The following TMEM165 variants were observed in gnomAD, a reference collection of about 807,000 sequenced individuals.
The protein encoded by TMEM165 is transmembrane protein 165.
Under a neutral mutation model 30.0 loss-of-function variants are expected in TMEM165, and 19 were observed. That is an observed-to-expected ratio of 0.63 (90% CI 0.44 to 0.93). The LOEUF is 0.93. Ranked by LOEUF, TMEM165 falls within the 40% of genes least tolerant of loss-of-function variation. The probability of loss-of-function intolerance (pLI) is 0.00; values close to 1 mark genes in which losing one functional copy is unlikely to be tolerated. For missense variants in TMEM165, 340 were observed against 417.0 expected (o/e 0.82, Z 1.61); for synonymous variants, 168 against 162.9 (o/e 1.03, Z -0.24).
At chr4:55,440,848 C>A (rs1028693256) in intron 3 of TMEM165, among the ~76,000 whole-genome samples, 3 of 152,154 alleles carry the variant, frequency 2.0e-5, no homozygotes, top group Non-Finnish European at 4.4e-5. Context: ...CCATGCCACA[C>A]CCACATCCAA....
chr4:55,414,319 C>T (rs1453430888), intron 2 of TMEM165, among the ~76,000 whole-genome samples: 1 of 150,954 alleles, frequency 6.6e-6, no homozygotes, highest in Non-Finnish European at 1.5e-5. Flanking sequence ...CTTGTGTTAT[C>T]AGTTTTATGT....
chr4:55,405,711 G>A (rs1327653076), intron 1 of TMEM165, among the ~76,000 whole-genome samples: 1 of 151,678 alleles, frequency 6.6e-6, no homozygotes, highest in African/African-American at 2.4e-5. Context: ...TCTCTTATTT[G>A]TCTTAACACG....
intron 3 of TMEM165, among the ~76,000 whole-genome samples, chr4:55,438,759 A>G (rs1723102869): frequency 6.6e-6 from 1 of 152,216 alleles, no homozygotes; most frequent in Admixed American, 6.5e-5. Context: ...CAAAAATACA[A>G]AACGTCTTTG....
In TMEM165 at chr4:55,425,355, CTT is replaced by C. The variant is rs748593679; in HGVS notation, c.899-15_899-14del. 1.9e-5 allele frequency: 30 copies of C among 1,605,232 alleles called. No individual in the cohort carries two copies. The highest frequency in any genetic ancestry group is 7.7e-5 in the South Asian group (7 of 90,432). ...GGTATAGGAATTTTACTGTATTTGA[CTT>C]TTTTTCTCTCTCTTCCAGTGACAAT... On this transcript the variant is annotated intron_variant, in intron 5 of 5. Coordinates refer to ENST00000381334, the MANE Select transcript of TMEM165 (RefSeq NM_018475.5).
chr4:55,437,982 G>A (rs28612751), intron 3 of TMEM165, among the ~76,000 whole-genome samples: 2 of 152,204 alleles, frequency 1.3e-5, no homozygotes, highest in African/African-American at 4.8e-5. Flanking sequence ...GCTTGCTTAA[G>A]TTCCAGAAAC....
intron 1 of TMEM165, among the ~76,000 whole-genome samples, chr4:55,406,529 C>T (rs139663974): frequency 1.2e-3 from 182 of 152,294 alleles, no homozygotes; most frequent in African/African-American, 4.2e-3. Flanking sequence ...TTCTCAACTT[C>T]AAAATATCTT....
In TMEM165 at chr4:55,425,533, G is replaced by C. The variant is rs1388642906; in HGVS notation, c.*81G>C. 1 of 1,124,692 alleles carries C rather than the reference G, an allele frequency of 8.9e-7. No homozygotes were observed. The highest frequency in any genetic ancestry group is 2.0e-5 in the Admixed American group (1 of 50,382). The allele number at this position is 1,124,692 out of a possible 1,614,324, so 69.7% of individuals were successfully genotyped here. On this transcript the variant is annotated 3_prime_UTR_variant, in exon 6 of 6. Coordinates refer to ENST00000381334, the MANE Select transcript of TMEM165 (RefSeq NM_018475.5). ...CATAGTGTACATTACAACTAAAAGTGATGGAAAAATACTGTATTTTGTAGC... is the reference window on the plus strand; with the variant it reads ...CATAGTGTACATTACAACTAAAAGTCATGGAAAAATACTGTATTTTGTAGC...
At chr4:55,448,586 GCGCGCGCA>G (rs750839676) in intron 3 of TMEM165, among the ~76,000 whole-genome samples, 58 of 74,652 alleles carry the variant, frequency 7.8e-4, no homozygotes, top group Non-Finnish European at 1.3e-3. Context: ...ATATATGTGC[GCGCGCGCA>G]CGCGCGCGTG....
intron 1 of TMEM165, among the ~76,000 whole-genome samples, chr4:55,410,903 T>G (rs1721468232): frequency 1.3e-5 from 2 of 152,044 alleles, no homozygotes; most frequent in Non-Finnish European, 2.9e-5. Flanking sequence ...GAGGCTGAGG[T>G]GGGTGGATCA....
intron 4 of TMEM165, among the ~76,000 whole-genome samples, chr4:55,421,426 G>A (rs1481823533): frequency 1.3e-5 from 2 of 149,004 alleles, no homozygotes; most frequent in African/African-American, 4.9e-5. Context: ...TCAGCCTTCT[G>A]AGTCTGGGAC....
intron 3 of TMEM165, chr4:55,434,239 T>C (rs191803720): frequency 1.3e-5 from 2 of 152,722 alleles, no homozygotes; most frequent in Admixed American, 1.3e-4. Flanking sequence ...CAAATAACCC[T>C]GAATCATTTC....
chr4:55,448,216 T>C (rs1724043095), intron 3 of TMEM165, among the ~76,000 whole-genome samples: 1 of 152,220 alleles, frequency 6.6e-6, no homozygotes, highest in African/African-American at 2.4e-5. Flanking sequence ...CATATATTTG[T>C]ACTGTCGGCA....
chr4:55,434,135 A>T (rs1722707535), intron 3 of TMEM165: 1 of 152,656 alleles, frequency 6.6e-6, no homozygotes, highest in Non-Finnish European at 1.5e-5. Context: ...AAAGGTACTA[A>T]GGTTTCAAAA....
intron 1 of TMEM165, among the ~76,000 whole-genome samples, chr4:55,409,127 G>A (rs746015346): frequency 9.2e-5 from 14 of 152,036 alleles, no homozygotes; most frequent in Non-Finnish European, 1.6e-4. Context: ...AATGATACTT[G>A]CTTAATTAAT....
intron 3 of TMEM165, chr4:55,438,564 T>TG (rs1383432155): frequency 4.3e-6 from 7 of 1,612,384 alleles, no homozygotes; most frequent in Non-Finnish European, 5.9e-6. Flanking sequence ...GGAAAAAAAT[T>TG]GGAGTCCAAA....
chr4:55,400,178 A>AT (rs1405222283), intron 1 of TMEM165, among the ~76,000 whole-genome samples: 2 of 123,944 alleles, frequency 1.6e-5, no homozygotes, highest in African/African-American at 6.5e-5. Context: ...TATAATATAT[A>AT]TAAAAAATAA....
chr4:55,403,243 A>C, intron 1 of TMEM165: 1 of 1,288,090 alleles, frequency 7.8e-7, no homozygotes, highest in Non-Finnish European at 1.0e-6. Context: ...CAGGGACATC[A>C]GTTTTTTTCT....
At chr4:55,420,812 A>T (rs1243676789) in intron 4 of TMEM165, among the ~76,000 whole-genome samples, 2 of 152,162 alleles carry the variant, frequency 1.3e-5, no homozygotes, top group Admixed American at 1.3e-4. Flanking sequence ...TTGAGACTTG[A>T]ATTGGTTCTA....
chr4:55,442,880 A>G (rs1288718488), intron 3 of TMEM165, among the ~76,000 whole-genome samples: 1 of 152,152 alleles, frequency 6.6e-6, no homozygotes, highest in Non-Finnish European at 1.5e-5. Flanking sequence ...TAGAGATGAT[A>G]TAAAATATAC....
Sources: gnomAD v4.1 joint callset for allele counts (sites outside exome capture counted in the v4.1 genomes callset) on GRCh38, gnomAD v4.1.1 for gene constraint, MANE v1.5 for transcripts, NCBI Gene and HGNC (gene_info 2026-07-23, HGNC 2026-07-21) for gene names.